The following CAMTA1 variants were observed in gnomAD, a reference collection of about 807,000 sequenced individuals.
CAMTA1 encodes the protein calmodulin-binding transcription activator 1.
In CAMTA1, 27 loss-of-function variants were observed where a neutral mutation model predicts 170.9. The ratio of observed to expected loss-of-function variants is 0.16; its 90% CI spans 0.12 to 0.22. The LOEUF (loss-of-function observed/expected upper bound fraction) is 0.22, where lower values mean the gene tolerates loss of function less well. Ranked by LOEUF, CAMTA1 falls within the 10% of genes least tolerant of loss-of-function variation. CAMTA1 has a pLI of 1.00. For synonymous variants in CAMTA1, 833 were observed against 891.5 expected, an observed-to-expected ratio of 0.93 and a Z score of 1.17; for missense variants, 1,619 against 2,217.2, an observed-to-expected ratio of 0.73 and a Z score of 5.42.
At chr1:7,075,487 T>G (rs965673616) in intron 3 of CAMTA1, among the ~76,000 whole-genome samples, 6 of 152,144 alleles carry the variant, frequency 3.9e-5, no homozygotes, top group Non-Finnish European at 8.8e-5. Context: ...GAAGTCAAAT[T>G]GCTGCCCTGG....
chr1:6,938,762 G>T (rs1158081989), intron 3 of CAMTA1, among the ~76,000 whole-genome samples: 1 of 152,130 alleles, frequency 6.6e-6, no homozygotes, highest in African/African-American at 2.4e-5. Flanking sequence ...GGCTCCCTGT[G>T]GCCCATCTGG....
chr1:7,630,630 A>T (rs1272250680), intron 6 of CAMTA1, among the ~76,000 whole-genome samples: 5 of 152,252 alleles, frequency 3.3e-5, no homozygotes, highest in Admixed American at 3.3e-4. Flanking sequence ...CAAAGCAGGG[A>T]AGGGCTGCCG....
At position 6,806,842 on chromosome 1, in the gene CAMTA1, A is replaced by G. The variant is rs77874590; in HGVS notation, c.46-13339A>G. The G allele has an allele frequency of 7.2e-3, 2,848 of 398,054 alleles. 68 individuals carry two copies. The highest frequency in any genetic ancestry group is 0.052 in the African/African-American group (2,534 of 49,094). The allele number at this position is 398,054 out of a possible 1,614,324, so 24.7% of individuals were successfully genotyped here. A position where few individuals can be genotyped will look rare whatever the true frequency, so the allele number is the denominator to read the frequency against. ...ATAAAATTGTGACATTAAAATTTAT[A>G]TAATTGTTATTATTACTGGAGGAAT... On this transcript the variant is annotated intron_variant, in intron 1 of 22. Coordinates refer to ENST00000303635, the MANE Select transcript of CAMTA1 (RefSeq NM_015215.4).
chr1:7,704,210 A>T (rs1368274571), intron 11 of CAMTA1, among the ~76,000 whole-genome samples: 7 of 146,900 alleles, frequency 4.8e-5, no homozygotes, highest in African/African-American at 1.7e-4. Context: ...GAGCCCGGGA[A>T]CGCGGGCCCT....
intron 4 of CAMTA1, among the ~76,000 whole-genome samples, chr1:7,140,323 C>CT (rs535386191): frequency 3.9e-3 from 601 of 152,188 alleles, no homozygotes; most frequent in Non-Finnish European, 7.0e-3. Flanking sequence ...AACATGGCAA[C>CT]TTTTTTTTCC....
chr1:7,308,940 G>A (rs532503000), intron 5 of CAMTA1, among the ~76,000 whole-genome samples: 4 of 152,242 alleles, frequency 2.6e-5, no homozygotes, highest in Admixed American at 6.5e-5. Context: ...TTGTGGGTTC[G>A]TTTAGTTTTC....
intron 5 of CAMTA1, among the ~76,000 whole-genome samples, chr1:7,442,111 T>C (rs1301002681): frequency 2.0e-5 from 3 of 152,176 alleles, no homozygotes; most frequent in Admixed American, 2.0e-4. Context: ...TTGTTTCTAC[T>C]CTCCCAGTTC....
chr1:7,007,003 G>GAAA lies in CAMTA1; in HGVS notation c.235-84301_235-84300insAAA. Among the ~76,000 whole-genome samples the GAAA allele has an allele frequency of 6.8e-6, 1 of 146,418 alleles. No individual in the cohort carries two copies. The highest frequency in any genetic ancestry group is 2.2e-4 in the South Asian group (1 of 4,636). On this transcript the variant is annotated intron_variant, in intron 3 of 22. Transcript: ENST00000303635. This position sits in a 1 kb window ranked among gnomAD's most constrained non-coding sequence, Gnocchi z 4.5. ...TTCTTAACAAGAATGTCAGATGGTA[G>GAAA]TAAAAAAAAAAAAAAAAAATAAGAA...
intron 1 of CAMTA1, among the ~76,000 whole-genome samples, chr1:6,788,645 C>A (rs528419111): frequency 1.3e-5 from 2 of 150,626 alleles, no homozygotes; most frequent in Non-Finnish European, 3.0e-5. Context: ...GTAGACTCAG[C>A]GGAGTCATCC....
Position 7,037,695 on chromosome 1 carries a change from G to A in CAMTA1, c.235-53609G>A, listed in dbSNP as rs951469914. Among the ~76,000 whole-genome samples, 61 of 152,036 alleles carry A rather than the reference G, an allele frequency of 4.0e-4. 1 individual carries two copies. Among genetic ancestry groups the A allele is most frequent in the African/African-American group, 1.4e-3 (57 of 41,502 alleles). On this transcript the variant is annotated intron_variant, in intron 3 of 22. Coordinates refer to ENST00000303635, the MANE Select transcript of CAMTA1 (RefSeq NM_015215.4). Reference sequence around the variant, plus strand: ...TCTACTAAAAATATAAAAACTAGCCGGGCATGGTGGCAGGTGCCTGTAATC... The same window carrying A: ...TCTACTAAAAATATAAAAACTAGCCAGGCATGGTGGCAGGTGCCTGTAATC...
intron 6 of CAMTA1, among the ~76,000 whole-genome samples, chr1:7,488,617 T>C (rs1434770132): frequency 1.3e-5 from 2 of 151,088 alleles, no homozygotes; most frequent in South Asian, 2.1e-4. Context: ...ATGTAACACA[T>C]ACACATACAA....
Position 7,592,444 on chromosome 1 carries a change from C to G in CAMTA1, c.511-47956C>G, listed in dbSNP as rs958842518. On this transcript the variant is annotated intron_variant, in intron 6 of 22. Transcript: ENST00000303635. This position sits in a 1 kb window ranked among gnomAD's most constrained non-coding sequence, Gnocchi z 4.6. Reference sequence around the variant, plus strand: ...TGCCCGCTTCCTAACAGGAACAGGACAGATATTCATGGAGTGATTGAATTG... The same window carrying G: ...TGCCCGCTTCCTAACAGGAACAGGAGAGATATTCATGGAGTGATTGAATTG... Among the ~76,000 whole-genome samples, 1 of 152,292 alleles carries G rather than the reference C, an allele frequency of 6.6e-6. No individual in the cohort carries two copies. Among genetic ancestry groups the G allele is most frequent in the African/African-American group, 2.4e-5 (1 of 41,564 alleles).
At chr1:7,411,943 G>A (rs1449801970) in intron 5 of CAMTA1, among the ~76,000 whole-genome samples, 1 of 134,528 alleles carries the variant, frequency 7.4e-6, no homozygotes, top group African/African-American at 2.9e-5. Flanking sequence ...GGAGTGTGAT[G>A]TTCCCCTTCC....
chr1:7,530,812 G>GTTTTTTTTTTTTTTTTTTTTTTT (rs34013817), intron 6 of CAMTA1, among the ~76,000 whole-genome samples: 1 of 100,792 alleles, frequency 9.9e-6, no homozygotes, highest in Non-Finnish European at 1.9e-5. Context: ...GTGAGCTCTT[G>GTTTTTTTTTTTTTTTTTTTTTTT]TTTTTTTTTT....
At chr1:7,338,981 G>A (rs1434076337) in intron 5 of CAMTA1, among the ~76,000 whole-genome samples, 1 of 152,174 alleles carries the variant, frequency 6.6e-6, no homozygotes, top group African/African-American at 2.4e-5. Context: ...CCTGGAGCAG[G>A]AGGATGAGAG....
chr1:7,205,065 G>A (rs370558460), intron 4 of CAMTA1, among the ~76,000 whole-genome samples: 142 of 151,828 alleles, frequency 9.4e-4, no homozygotes, highest in African/African-American at 3.1e-3. Context: ...TCCTGACCTC[G>A]TGATCCACAT....
chr1:6,916,399 T>C (rs920408446), intron 3 of CAMTA1, among the ~76,000 whole-genome samples: 3 of 152,138 alleles, frequency 2.0e-5, no homozygotes, highest in Non-Finnish European at 2.9e-5. Context: ...CCGCCCCACC[T>C]CTGAATGACA....
chr1:7,497,092 A>G (rs10864304), intron 6 of CAMTA1, among the ~76,000 whole-genome samples: 24,746 of 152,076 alleles, frequency 0.16, 2,819 homozygotes, highest in East Asian at 0.38. Flanking sequence ...TAAACTCATC[A>G]CCCAAGATAA....
rs768619943 is a variant in CAMTA1 at position 7,249,632 on chromosome 1, C to G, written c.438+6C>G. ...TCAAGGTCCAGGGAGTGGAGGTAAACAGCAGAAAAGGTTCCCTTGGTGCAC... is the reference window on the plus strand; with the variant it reads ...TCAAGGTCCAGGGAGTGGAGGTAAAGAGCAGAAAAGGTTCCCTTGGTGCAC... On this transcript the variant is annotated splice_donor_region_variant and intron_variant, in intron 5 of 22. Transcript: ENST00000303635. This position sits in a 1 kb window ranked among gnomAD's most constrained non-coding sequence, Gnocchi z 4.4. 3.1e-6 allele frequency: 5 copies of G among 1,613,190 alleles called. No homozygotes were observed. The highest frequency in any genetic ancestry group is 1.7e-6 in the Non-Finnish European group (2 of 1,179,724).
Sources: gnomAD v4.1 joint callset for allele counts (sites outside exome capture counted in the v4.1 genomes callset) on GRCh38, gnomAD v4.1.1 for gene constraint, Gnocchi (gnomAD v3.1) non-coding constraint, MANE v1.5 for transcripts, NCBI Gene and HGNC (gene_info 2026-07-23, HGNC 2026-07-21) for gene names.